Variants in ITPKC observed in about 807,000 individuals in gnomAD.
ITPKC encodes IP3 3-kinase C.
ITPKC carries 33 observed loss-of-function variants against 67.1 expected under a neutral mutation model. That is an observed-to-expected ratio of 0.49 (90% CI 0.37 to 0.66). The LOEUF is 0.66. Ranked by LOEUF, ITPKC falls within the 30% of genes least tolerant of loss-of-function variation. The probability of loss-of-function intolerance (pLI) is 0.00; values close to 1 mark genes in which losing one functional copy is unlikely to be tolerated. For missense variants in ITPKC, 820 were observed against 892.1 expected, an observed-to-expected ratio of 0.92 and a Z score of 1.03; for synonymous variants, 341 against 359.8, an observed-to-expected ratio of 0.95 and a Z score of 0.59.
chr19:40,723,373 C>G (rs187565561), intron 1 of ITPKC, among the ~76,000 whole-genome samples: 2 of 152,176 alleles, frequency 1.3e-5, no homozygotes, highest in Admixed American at 6.5e-5. Flanking sequence ...AGATTACAGG[C>G]GTAAGCCATC....
chr19:40,717,926 C>T lies in ITPKC; in HGVS notation c.791C>T (p.Thr264Ile). ...DTEAARKQPG[T>I]GGFQIQQDTD... is the part of the protein sequence containing the mutation. Reference sequence around the variant, plus strand: ...GAAGCAGCCAGGAAACAGCCTGGCACTGGTGGTTTCCAAATACAACAGGAT... The same window carrying T: ...GAAGCAGCCAGGAAACAGCCTGGCATTGGTGGTTTCCAAATACAACAGGAT... The change falls in exon 1 of 7, where the codon ACT (threonine) becomes ATT (isoleucine). Residue 264 changes from threonine (T) to isoleucine (I), a missense_variant. Transcript: ENST00000263370. 2 of 1,614,154 alleles carry T rather than the reference C, an allele frequency of 1.2e-6. No individual in the cohort carries two copies. The highest frequency in any genetic ancestry group is 1.7e-6 in the Non-Finnish European group (2 of 1,180,020).
At chr19:40,731,525 C>T (rs1872153658) in intron 3 of ITPKC, among the ~76,000 whole-genome samples, 1 of 151,538 alleles carries the variant, frequency 6.6e-6, no homozygotes, top group South Asian at 2.1e-4. Flanking sequence ...TCCATGCCCT[C>T]CCTGGGCGCA....
At chr19:40,735,868 A>T (rs561085559) in intron 4 of ITPKC, among the ~76,000 whole-genome samples, 1 of 152,196 alleles carries the variant, frequency 6.6e-6, no homozygotes, top group Non-Finnish European at 1.5e-5. Context: ...TGTGCTGTGC[A>T]TCCTACACAC....
chr19:40,736,267 G>A (rs1180511568), intron 4 of ITPKC, among the ~76,000 whole-genome samples: 5 of 151,916 alleles, frequency 3.3e-5, no homozygotes. Context: ...TCCAGCCTGG[G>A]TGACAGAGTG....
At chr19:40,731,649 C>CT (rs2082271842) in intron 3 of ITPKC, among the ~76,000 whole-genome samples, 1 of 130,350 alleles carries the variant, frequency 7.7e-6, no homozygotes, top group Non-Finnish European at 1.5e-5. Context: ...GTGTCCCAGG[C>CT]TGGAATGCAG....
At chr19:40,725,189 C>T (rs565097708) in intron 1 of ITPKC, 151 bp from the exon 2 acceptor site, 3 of 620,954 alleles carry the variant, frequency 4.8e-6, no homozygotes, top group Admixed American at 5.0e-5. Context: ...GTGGGGCTCA[C>T]TCACCCCAAC....
In ITPKC at chr19:40,717,219, G is replaced by A. The variant is rs2144726148; in HGVS notation, c.84G>A (p.Ala28=). 1 of 1,237,094 alleles carries A rather than the reference G, an allele frequency of 8.1e-7. No homozygotes were observed. 76.6% of individuals were successfully genotyped at this position (1,237,094 alleles called of 1,614,324 possible). The change falls in exon 1 of 7, where the codon GCG becomes GCA. Residue 28 remains alanine, a synonymous_variant. Transcript: ENST00000263370. ...LPAAARMGLE[A]PRGGRRRQPG... is the part of the protein sequence containing the mutation. ...CGGCGGCCCGCATGGGACTGGAGGC[G>A]CCGCGAGGAGGGCGGCGGCGGCAGC...
At chr19:40,739,042 T>G (rs181307074) in intron 6 of ITPKC, among the ~76,000 whole-genome samples, 308 of 152,276 alleles carry the variant, frequency 2.0e-3, no homozygotes, top group African/African-American at 7.3e-3. Context: ...ACTTACACAT[T>G]GTTTGTTTCT....
intron 4 of ITPKC, among the ~76,000 whole-genome samples, chr19:40,735,860 T>G (rs2082292011): frequency 6.6e-6 from 1 of 152,166 alleles, no homozygotes; most frequent in Admixed American, 6.6e-5. Flanking sequence ...CCAGGCACTG[T>G]GCTGTGCATC....
chr19:40,724,096 C>G (rs1416227003), intron 1 of ITPKC, among the ~76,000 whole-genome samples: 1 of 152,194 alleles, frequency 6.6e-6, no homozygotes, highest in Non-Finnish European at 1.5e-5. Context: ...GAAAGTGACA[C>G]TTCTGCTCCC....
At chr19:40,719,831 A>G (rs962186317) in intron 1 of ITPKC, among the ~76,000 whole-genome samples, 1 of 152,154 alleles carries the variant, frequency 6.6e-6, no homozygotes, top group South Asian at 2.1e-4. Context: ...AGATGAGGAA[A>G]CTGAGGCACA....
At chr19:40,735,751 G>C (rs139002337) in intron 4 of ITPKC, among the ~76,000 whole-genome samples, 2 of 152,208 alleles carry the variant, frequency 1.3e-5, no homozygotes, top group East Asian at 3.9e-4. Flanking sequence ...TGCCCACATA[G>C]CACCTGGCAC....
At chr19:40,726,464 T>A (rs1483587295) in intron 2 of ITPKC, among the ~76,000 whole-genome samples, 2 of 152,178 alleles carry the variant, frequency 1.3e-5, no homozygotes, top group Non-Finnish European at 2.9e-5. Context: ...GGGCCTATGG[T>A]CTCTGTCGCA....
intron 2 of ITPKC, among the ~76,000 whole-genome samples, chr19:40,728,268 CT>C (rs2082255391): frequency 6.6e-6 from 1 of 151,686 alleles, no homozygotes; most frequent in Non-Finnish European, 1.5e-5. Flanking sequence ...ACCTGTAGTC[CT>C]AGCTACTCTG....
At chr19:40,728,029 C>G (rs956224955) in intron 2 of ITPKC, among the ~76,000 whole-genome samples, 2 of 152,112 alleles carry the variant, frequency 1.3e-5, no homozygotes, top group Admixed American at 1.3e-4. Flanking sequence ...TCTATAAGAG[C>G]AGGATCAGGA....
In ITPKC at chr19:40,737,776, G is replaced by A. The variant is rs775716144; in HGVS notation, c.1848+7G>A. ...CTTCTTCAAGACCCACGAGGTGCGA[G>A]CCCTGGCTTCCATGGGTGGATGTAT... is the stretch of plus-strand genomic sequence containing the variant. On this transcript the variant is annotated splice_region_variant and intron_variant, in intron 6 of 6. Coordinates refer to ENST00000263370, the MANE Select transcript of ITPKC (RefSeq NM_025194.3). The A allele has an allele frequency of 1.4e-5, 23 of 1,613,270 alleles. No homozygotes were observed. Among genetic ancestry groups the A allele is most frequent in the East Asian group, 4.5e-5 (2 of 44,878 alleles).
chr19:40,729,419 G>A lies in ITPKC; in HGVS notation c.1469+4G>A, dbSNP rs368662548. 1.9e-6 allele frequency: 3 copies of A among 1,610,792 alleles called. No individual in the cohort carries two copies. The highest frequency in any genetic ancestry group is 2.7e-5 in the African/African-American group (2 of 74,920). On this transcript the variant is annotated splice_donor_region_variant and intron_variant, in intron 3 of 6. Coordinates refer to ENST00000263370, the MANE Select transcript of ITPKC (RefSeq NM_025194.3). ...TGGACTGCAAGATGGGCAGCAGGTGGGGCTGGGGCAGCCCTGGGGCAGGGA... is the reference window on the plus strand; with the variant it reads ...TGGACTGCAAGATGGGCAGCAGGTGAGGCTGGGGCAGCCCTGGGGCAGGGA...
chr19:40,739,761 C>T lies in ITPKC; in HGVS notation c.*201C>T. 1.7e-6 allele frequency: 1 copy of T among 583,886 alleles called. No individual in the cohort carries two copies. Among genetic ancestry groups the T allele is most frequent in the Admixed American group, 3.1e-5 (1 of 32,338 alleles). The allele number at this position is 583,886 out of a possible 1,614,324, so 36.2% of individuals were successfully genotyped here. ...GGTAGCACCTGGCCCCATCATGATG[C>T]AGGGGTTTTGGGGACCTGGAAGGAA... On this transcript the variant is annotated 3_prime_UTR_variant, in exon 7 of 7. Transcript: ENST00000263370.
Position 40,725,422 on chromosome 19 carries a change from A to C in ITPKC, c.1238A>C (p.Gln413Pro), listed in dbSNP as rs776016950. ...TTCCGAAAACACTACCCTTGGGTCC[A>C]GCTTTCTGGACATGCTGGTAAGTGG... ...VSFRKHYPWV[Q>P]LSGHAGNFQA... Residue 413 changes from glutamine (Q) to proline (P), a missense_variant, in exon 2 of 7, where the codon CAG becomes CCG. Gln to Pro is a moderately conservative substitution (Grantham distance 76). Transcript: ENST00000263370. 16 of 1,610,212 alleles carry C rather than the reference A, an allele frequency of 9.9e-6. No homozygotes were observed. Among genetic ancestry groups the C allele is most frequent in the Non-Finnish European group, 1.4e-5 (16 of 1,176,486 alleles).
Sources: allele counts gnomAD v4.1 joint callset (sites outside exome capture counted in the v4.1 genomes callset), GRCh38; gene constraint gnomAD v4.1.1; transcripts MANE v1.5; gene names NCBI Gene and HGNC (gene_info 2026-07-23, HGNC 2026-07-21).